ULK4: variants seen among roughly 807,000 people sequenced by gnomAD.
ULK4 encodes inactive serine/threonine-protein kinase ULK4.
Under a neutral mutation model 160.6 loss-of-function variants are expected in ULK4, and 133 were observed. The ratio of observed to expected loss-of-function variants is 0.83; its 90% CI spans 0.72 to 0.96. The LOEUF (loss-of-function observed/expected upper bound fraction) is 0.96, where lower values mean the gene tolerates loss of function less well. ULK4 is among the 40% of genes least tolerant of loss of function. The pLI is 0.00. For missense variants in ULK4, 1,580 were observed against 1,499.5 expected (o/e 1.05, Z -0.89); for synonymous variants, 534 against 539.8 (o/e 0.99, Z 0.15).
intron 31 of ULK4, among the ~76,000 whole-genome samples, chr3:41,588,036 C>T (rs2030962512): frequency 1.3e-5 from 2 of 152,154 alleles, no homozygotes; most frequent in Admixed American, 1.3e-4. Flanking sequence ...GTTCTTTTAT[C>T]CACAAGATTG....
intron 34 of ULK4, among the ~76,000 whole-genome samples, chr3:41,433,748 C>T (rs922350833): frequency 6.6e-6 from 1 of 151,810 alleles, no homozygotes; most frequent in African/African-American, 2.4e-5. Flanking sequence ...GAGACGGAGT[C>T]TCGCTCTGTC....
intron 1 of ULK4, among the ~76,000 whole-genome samples, chr3:41,961,755 C>T (rs1199307789): frequency 2.6e-5 from 4 of 152,206 alleles, no homozygotes; most frequent in African/African-American, 9.7e-5. Flanking sequence ...AACACACAAG[C>T]ACTCTCTCTC....
At chr3:41,331,698 C>A (rs2080445763) in intron 35 of ULK4, among the ~76,000 whole-genome samples, 1 of 152,172 alleles carries the variant, frequency 6.6e-6, no homozygotes, top group Admixed American at 6.5e-5. Context: ...ATCATCTTTG[C>A]CAAATTCACA....
intron 34 of ULK4, among the ~76,000 whole-genome samples, chr3:41,407,365 G>C (rs920965762): frequency 3.3e-5 from 5 of 152,202 alleles, no homozygotes; most frequent in African/African-American, 1.2e-4. Context: ...TCTGAGGTCA[G>C]TACTACCCTG....
intron 35 of ULK4, among the ~76,000 whole-genome samples, chr3:41,291,955 C>T (rs946108800): frequency 2.0e-5 from 3 of 151,880 alleles, no homozygotes; most frequent in East Asian, 1.9e-4. Context: ...CTCAGCCTTC[C>T]GAGTAGCTGG....
At chr3:41,360,152 C>G (rs762793993) in intron 35 of ULK4, among the ~76,000 whole-genome samples, 41 of 151,884 alleles carry the variant, frequency 2.7e-4, no homozygotes, top group Non-Finnish European at 4.9e-4. Context: ...ATACAGCCAA[C>G]AAACATGAAA....
intron 31 of ULK4, among the ~76,000 whole-genome samples, chr3:41,578,697 G>C (rs2029913810): frequency 6.6e-6 from 1 of 152,182 alleles, no homozygotes; most frequent in South Asian, 2.1e-4. Flanking sequence ...TGTCAATCAA[G>C]GAGTCTTGTG....
At chr3:41,416,091 G>C (rs138494696) in intron 34 of ULK4, among the ~76,000 whole-genome samples, 1 of 152,132 alleles carries the variant, frequency 6.6e-6, no homozygotes, top group Admixed American at 6.6e-5. Context: ...AAATGACCAC[G>C]CTGATACAGC....
At chr3:41,338,506 T>G (rs1488124255) in intron 35 of ULK4, among the ~76,000 whole-genome samples, 1 of 152,126 alleles carries the variant, frequency 6.6e-6, no homozygotes, top group Non-Finnish European at 1.5e-5. Flanking sequence ...TCTACATATT[T>G]CCTCTATTGC....
At position 41,246,817 on chromosome 3, in the gene ULK4, T is replaced by C; in HGVS notation, c.*112A>G. 7.7e-7 allele frequency: 1 copy of C among 1,301,182 alleles called. No homozygotes were observed. The highest frequency in any genetic ancestry group is 1.4e-5 in the South Asian group (1 of 72,338). The allele number at this position is 1,301,182 out of a possible 1,614,324, so 80.6% of individuals were successfully genotyped here. On this transcript the variant is annotated 3_prime_UTR_variant, in exon 37 of 37. Transcript: ENST00000301831. Reference sequence around the variant, plus strand: ...AGGTTCTGGGTTAAGCTGACTTTATTAGGTCCAAAGACAGCTGTGAGGGGA... The same window carrying C: ...AGGTTCTGGGTTAAGCTGACTTTATCAGGTCCAAAGACAGCTGTGAGGGGA...
chr3:41,638,002 T>C (rs951453155), intron 30 of ULK4, among the ~76,000 whole-genome samples: 1 of 152,210 alleles, frequency 6.6e-6, no homozygotes, highest in African/African-American at 2.4e-5. Context: ...CTTCACTCTA[T>C]TGTTTCCTTG....
Position 41,246,689 on chromosome 3 carries a change from C to G in ULK4, c.*240G>C, listed in dbSNP as rs1261651552. The G allele has an allele frequency of 7.9e-6, 4 of 505,238 alleles. No individual in the cohort carries two copies. Among genetic ancestry groups the G allele is most frequent in the Non-Finnish European group, 1.1e-5 (3 of 280,928 alleles). 31.3% of individuals were successfully genotyped at this position (505,238 alleles called of 1,614,324 possible). On this transcript the variant is annotated 3_prime_UTR_variant, in exon 37 of 37. Coordinates refer to ENST00000301831, the MANE Select transcript of ULK4 (RefSeq NM_017886.4). The stretch of plus-strand genomic sequence containing the variant: ...GAGAGGGAAAGAACATTTCTGAGAA[C>G]AGCTAACAAACCTGGGCTTCCCAGA...
chr3:41,935,728 T>C (rs1699756269), intron 4 of ULK4, 73 bp downstream of exon 4: 1 of 1,493,654 alleles, frequency 6.7e-7, no homozygotes, highest in African/African-American at 1.4e-5. Flanking sequence ...TATCCAAAAA[T>C]AACAACATCT....
At chr3:41,408,605 A>G (rs2082346232) in intron 34 of ULK4, among the ~76,000 whole-genome samples, 1 of 152,084 alleles carries the variant, frequency 6.6e-6, no homozygotes, top group African/African-American at 2.4e-5. Flanking sequence ...GAAATTGGTA[A>G]GTTGATCCTA....
chr3:41,837,614 A>G (rs2041797293), intron 17 of ULK4, among the ~76,000 whole-genome samples: 1 of 151,452 alleles, frequency 6.6e-6, no homozygotes, highest in Non-Finnish European at 1.5e-5. Flanking sequence ...CCCAGGCTGG[A>G]ATGCAGTCGC....
intron 1 of ULK4, 84 bp from the exon 2 acceptor site, chr3:41,954,891 T>C (rs1700432125): frequency 1.2e-6 from 1 of 856,802 alleles, no homozygotes; most frequent in South Asian, 2.3e-5. Flanking sequence ...TAGGATATTA[T>C]ATGTGTAAAA....
At chr3:41,626,522 T>A (rs936841415) in intron 30 of ULK4, among the ~76,000 whole-genome samples, 1 of 150,758 alleles carries the variant, frequency 6.6e-6, no homozygotes, top group African/African-American at 2.5e-5. Context: ...TGTAAGAAAG[T>A]ACATTGCTTT....
At chr3:41,785,536 T>C (rs1319807622) in intron 21 of ULK4, among the ~76,000 whole-genome samples, 1 of 152,166 alleles carries the variant, frequency 6.6e-6, no homozygotes, top group African/African-American at 2.4e-5. Context: ...TTTTGGAGAC[T>C]GGGTTTCCAT....
intron 34 of ULK4, among the ~76,000 whole-genome samples, chr3:41,431,547 C>CCT (rs563543377): frequency 8.3e-5 from 8 of 95,868 alleles, no homozygotes; most frequent in Non-Finnish European, 1.2e-4. Flanking sequence ...AATTCCCTCC[C>CCT]TTTTTTTTTT....
Sources: allele counts gnomAD v4.1 joint callset (sites outside exome capture counted in the v4.1 genomes callset), GRCh38; gene constraint gnomAD v4.1.1; transcripts MANE v1.5; gene names NCBI Gene and HGNC (gene_info 2026-07-23, HGNC 2026-07-21).